Variants in APBB1IP observed in about 807,000 individuals in gnomAD.
APBB1IP encodes amyloid beta precursor protein binding family B member 1 interacting protein.
A neutral mutation model predicts 64.9 loss-of-function variants in APBB1IP; 27 were observed. The ratio of observed to expected loss-of-function variants is 0.42; its 90% CI spans 0.31 to 0.57. The LOEUF is 0.57. Among genes scored for constraint, APBB1IP ranks in the 20% least tolerant of loss-of-function variants. APBB1IP has a pLI of 0.20. For synonymous variants in APBB1IP, 392 were observed against 331.0 expected, an observed-to-expected ratio of 1.18 and a Z score of -2.00; for missense variants, 812 against 845.5, an observed-to-expected ratio of 0.96 and a Z score of 0.49.
At chr10:26,513,451 A>G in intron 7 of APBB1IP, 88 bp from the exon 8 acceptor site, 1 of 1,471,828 alleles carries the variant, frequency 6.8e-7, no homozygotes, top group Non-Finnish European at 9.3e-7. Context: ...GATGAAAGTC[A>G]TGAAGCATTA....
intron 2 of APBB1IP, among the ~76,000 whole-genome samples, chr10:26,464,870 C>T (rs1835630996): frequency 6.6e-6 from 1 of 152,206 alleles, no homozygotes; most frequent in Non-Finnish European, 1.5e-5. Context: ...TCTGATGATA[C>T]AGCAGGGCCC....
At chr10:26,452,010 AG>A (rs1373647526) in intron 2 of APBB1IP, among the ~76,000 whole-genome samples, 4 of 152,356 alleles carry the variant, frequency 2.6e-5, no homozygotes, top group East Asian at 1.9e-4. Context: ...AATAAATAAA[AG>A]CCCTTTGTGC....
In APBB1IP at chr10:26,511,840, G is replaced by A. The variant is rs963182903; in HGVS notation, c.625G>A (p.Glu209Lys). ...LARDVLDNLF[E>K]KTHCDCNVDW... ...CCGAGATGTTCTGGACAACCTTTTC[G>A]AGAAAACTCATTGTGACTGCAATGT... The change falls in exon 7 of 15, where the codon GAG (glutamate) becomes AAG (lysine). Residue 209 changes from glutamate (E) to lysine (K), a missense_variant. Glu to Lys is a moderately conservative substitution (Grantham distance 56). Transcript: ENST00000376236. The A allele has an allele frequency of 1.2e-5, 19 of 1,614,024 alleles. No homozygotes were observed. The highest frequency in any genetic ancestry group is 1.1e-4 in the African/African-American group (8 of 74,914).
intron 6 of APBB1IP, among the ~76,000 whole-genome samples, chr10:26,508,526 T>C (rs1292542782): frequency 6.6e-6 from 1 of 152,068 alleles, no homozygotes; most frequent in East Asian, 1.9e-4. Context: ...TAATAGATCA[T>C]TTAAGTTTTT....
chr10:26,545,534 G>A (rs1368386613), intron 11 of APBB1IP, among the ~76,000 whole-genome samples: 1 of 152,130 alleles, frequency 6.6e-6, no homozygotes, highest in Non-Finnish European at 1.5e-5. Flanking sequence ...GCCGAGGCGG[G>A]CGGATCACGA....
chr10:26,484,831 T>C (rs1835873120), intron 2 of APBB1IP, among the ~76,000 whole-genome samples: 1 of 152,276 alleles, frequency 6.6e-6, no homozygotes. Context: ...ATTATTGTTA[T>C]AACAAAGGGG....
At chr10:26,541,119 C>T (rs766690464) in intron 10 of APBB1IP, among the ~76,000 whole-genome samples, 3 of 152,114 alleles carry the variant, frequency 2.0e-5, no homozygotes, top group Non-Finnish European at 4.4e-5. Flanking sequence ...TAATCTTTCA[C>T]TCCGTTTCTG....
chr10:26,442,657 A>G (rs1835349771), intron 2 of APBB1IP, among the ~76,000 whole-genome samples: 1 of 152,248 alleles, frequency 6.6e-6, no homozygotes, highest in Non-Finnish European at 1.5e-5. Flanking sequence ...TTTATTATGA[A>G]ATGTTTCATA....
chr10:26,561,199 G>A (rs1273692503), intron 13 of APBB1IP, among the ~76,000 whole-genome samples: 7 of 148,444 alleles, frequency 4.7e-5, no homozygotes, highest in Non-Finnish European at 8.9e-5. Context: ...CTCCTGAGTA[G>A]CTGGGACTAC....
At chr10:26,439,181 AC>A (rs967089339) in intron 2 of APBB1IP, among the ~76,000 whole-genome samples, 1 of 151,732 alleles carries the variant, frequency 6.6e-6, no homozygotes, top group Non-Finnish European at 1.5e-5. Flanking sequence ...ACTGCTATGA[AC>A]CCTTGCACGT....
Position 26,503,528 on chromosome 10 carries a change from G to C in APBB1IP, c.531+254G>C, listed in dbSNP as rs181593538. On this transcript the variant is annotated intron_variant, in intron 6 of 14. Coordinates refer to ENST00000376236, the MANE Select transcript of APBB1IP (RefSeq NM_019043.4). The stretch of plus-strand genomic sequence containing the variant: ...CAGGTGCCTGTAGTCCCAGCTACTC[G>C]GGAGGCTGAGGAAGGAGAATTGCTT... Among the ~76,000 whole-genome samples, 17 of 152,120 alleles carry C rather than the reference G, an allele frequency of 1.1e-4. No individual in the cohort carries two copies. In the East Asian group the frequency reaches 3.3e-3, roughly 29 times the overall value.
intron 6 of APBB1IP, among the ~76,000 whole-genome samples, chr10:26,510,097 G>A (rs1260788730): frequency 1.3e-5 from 2 of 152,106 alleles, no homozygotes; most frequent in Non-Finnish European, 2.9e-5. Context: ...AGCCTCCTGA[G>A]CAGCTGGGAT....
chr10:26,534,173 G>C (rs1025484293), intron 9 of APBB1IP, among the ~76,000 whole-genome samples: 1 of 151,336 alleles, frequency 6.6e-6, no homozygotes, highest in Non-Finnish European at 1.5e-5. Context: ...AAAAATCAAG[G>C]CTCTGAGCCT....
At chr10:26,444,504 G>A (rs371487889) in intron 2 of APBB1IP, among the ~76,000 whole-genome samples, 23 of 152,118 alleles carry the variant, frequency 1.5e-4, no homozygotes, top group African/African-American at 1.7e-4. Context: ...AAGATTTCCC[G>A]ACAGAAGGAA....
At chr10:26,538,540 C>T (rs927988591) in intron 10 of APBB1IP, among the ~76,000 whole-genome samples, 4 of 151,128 alleles carry the variant, frequency 2.6e-5, no homozygotes, top group African/African-American at 9.7e-5. Context: ...ACTCGGGAGG[C>T]TGAGGCAGAA....
chr10:26,445,913 G>A (rs1835392988), intron 2 of APBB1IP, among the ~76,000 whole-genome samples: 1 of 148,008 alleles, frequency 6.8e-6, no homozygotes, highest in Non-Finnish European at 1.5e-5. Flanking sequence ...ATTTGTCTTA[G>A]TTATTAACTG....
intron 14 of APBB1IP, 115 bp from the exon 15 acceptor site, chr10:26,566,846 C>T (rs942857222): frequency 2.5e-6 from 3 of 1,217,740 alleles, no homozygotes; most frequent in Non-Finnish European, 3.3e-6. Flanking sequence ...CCAGATCGCG[C>T]CACTGCACTC....
intron 11 of APBB1IP, among the ~76,000 whole-genome samples, chr10:26,555,686 A>T (rs1836886549): frequency 1.3e-5 from 2 of 152,074 alleles, no homozygotes; most frequent in South Asian, 4.2e-4. Flanking sequence ...CGCAGCCTCG[A>T]ACACCTGGTT....
chr10:26,443,989 A>T (rs189670013), intron 2 of APBB1IP, among the ~76,000 whole-genome samples: 1 of 152,224 alleles, frequency 6.6e-6, no homozygotes, highest in African/African-American at 2.4e-5. Context: ...GCTACTCAAT[A>T]AGCATAATAA....
Sources: allele counts gnomAD v4.1 joint callset (sites outside exome capture counted in the v4.1 genomes callset), GRCh38; gene constraint gnomAD v4.1.1; transcripts MANE v1.5; gene names NCBI Gene and HGNC (gene_info 2026-07-23, HGNC 2026-07-21).